KDM6A: variants seen among roughly 807,000 people sequenced by gnomAD.
The protein encoded by KDM6A is lysine-specific demethylase 6A.
In KDM6A, 11 loss-of-function variants were observed where a neutral mutation model predicts 117.6. That is an observed-to-expected ratio of 0.09 (90% CI 0.06 to 0.15). The LOEUF (loss-of-function observed/expected upper bound fraction) is 0.15. KDM6A is among the 10% of genes least tolerant of loss of function. The probability of loss-of-function intolerance (pLI) is 1.00; values close to 1 mark genes in which losing one functional copy is unlikely to be tolerated. For missense variants in KDM6A, 799 were observed against 1,077.3 expected (o/e 0.74, Z 3.62); for synonymous variants, 384 against 396.1 (o/e 0.97, Z 0.36).
At chrX:44,901,745 A>T (rs1021224269) in intron 2 of KDM6A, among the ~76,000 whole-genome samples, 1 of 111,843 alleles carries the variant, frequency 8.9e-6, no homozygotes, top group Admixed American at 9.5e-5. Flanking sequence ...AAAATTAATA[A>T]TTTTTGTGAC....
chrX:44,921,637 T>C (rs1376004680), intron 2 of KDM6A, among the ~76,000 whole-genome samples: 1 of 111,658 alleles, frequency 9.0e-6, no homozygotes, highest in African/African-American at 3.3e-5. Flanking sequence ...CTGTGTATAT[T>C]AGTAGTCTGC....
At chrX:44,984,003 T>C (rs2040051275) in intron 4 of KDM6A, among the ~76,000 whole-genome samples, 1 of 110,783 alleles carries the variant, frequency 9.0e-6, no homozygotes, top group South Asian at 3.8e-4. Flanking sequence ...TCCACAATGG[T>C]TGAACTAGTT....
At chrX:44,887,115 T>C (rs1361017684) in intron 2 of KDM6A, among the ~76,000 whole-genome samples, 4 of 109,185 alleles carry the variant, frequency 3.7e-5, no homozygotes, top group Non-Finnish European at 7.6e-5. Flanking sequence ...AGATGGGGTT[T>C]TATCATGTCG....
At chrX:44,882,346 A>T (rs1460468926) in intron 2 of KDM6A, among the ~76,000 whole-genome samples, 1 of 112,080 alleles carries the variant, frequency 8.9e-6, no homozygotes, top group Non-Finnish European at 1.9e-5. Context: ...ACATCTCAGC[A>T]ATCAGTCACA....
At chrX:45,076,426 T>G (rs1210859180) in intron 18 of KDM6A, among the ~76,000 whole-genome samples, 2 of 111,012 alleles carry the variant, frequency 1.8e-5, no homozygotes, top group Non-Finnish European at 3.8e-5. Context: ...GAAAATAAAT[T>G]GGAAAATTAC....
chrX:44,890,097 A>G (rs1569354992), intron 2 of KDM6A, among the ~76,000 whole-genome samples: 1 of 111,974 alleles, frequency 8.9e-6, no homozygotes, highest in Admixed American at 9.5e-5. Context: ...CCCGCTGGCA[A>G]CCACTAACCC....
At chrX:44,979,987 T>C (rs760425167) in intron 4 of KDM6A, among the ~76,000 whole-genome samples, 75 of 94,508 alleles carry the variant, frequency 7.9e-4, no homozygotes, top group African/African-American at 2.6e-3. Context: ...ATTTTTTTCT[T>C]TCTTTCTTTC....
intron 21 of KDM6A, among the ~76,000 whole-genome samples, chrX:45,080,945 T>G (rs1371470747): frequency 8.9e-6 from 1 of 112,068 alleles, no homozygotes; most frequent in Non-Finnish European, 1.9e-5. Flanking sequence ...TGTTGTTGTT[T>G]TTTTGAGACG....
At chrX:44,886,709 T>C (rs2032919350) in intron 2 of KDM6A, among the ~76,000 whole-genome samples, 1 of 108,977 alleles carries the variant, frequency 9.2e-6, no homozygotes, top group African/African-American at 3.3e-5. Flanking sequence ...CAGGCTGGTC[T>C]TGAACTCCTG....
intron 8 of KDM6A, among the ~76,000 whole-genome samples, chrX:45,039,503 ATT>A (rs756202597): frequency 0.037 from 2,283 of 61,061 alleles, 18 homozygotes; most frequent in Middle Eastern, 0.078. Context: ...TCATTTGATA[ATT>A]TTTTTTTTTT....
At chrX:44,900,507 GAC>G (rs1395302841) in intron 2 of KDM6A, among the ~76,000 whole-genome samples, 1 of 111,724 alleles carries the variant, frequency 9.0e-6, no homozygotes, top group Non-Finnish European at 1.9e-5. Context: ...ACAATTTATA[GAC>G]TTTTTTTCTG....
intron 2 of KDM6A, among the ~76,000 whole-genome samples, chrX:44,911,049 G>T (rs192690894): frequency 0.11 from 12,631 of 109,896 alleles, 876 homozygotes; most frequent in African/African-American, 0.25. Flanking sequence ...GGGCAGAGGG[G>T]CTCCTCACTT....
chrX:45,056,971 CTCT>C (rs1309203954), intron 10 of KDM6A, among the ~76,000 whole-genome samples: 2 of 111,544 alleles, frequency 1.8e-5, no homozygotes, highest in African/African-American at 3.2e-5. Context: ...TGTAGCTGAT[CTCT>C]TCTTATGAAT....
chrX:44,930,813 C>T (rs1041041466), intron 2 of KDM6A, among the ~76,000 whole-genome samples: 1 of 111,962 alleles, frequency 8.9e-6, no homozygotes, highest in Non-Finnish European at 1.9e-5. Flanking sequence ...GGAATTAAAA[C>T]AAATGCCACA....
intron 2 of KDM6A, among the ~76,000 whole-genome samples, chrX:44,879,220 CTGT>C (rs982297223): frequency 1.8e-5 from 2 of 112,014 alleles, no homozygotes; most frequent in Non-Finnish European, 3.8e-5. Context: ...GAAAGGATTT[CTGT>C]TAAGTTTATT....
chrX:45,061,282 C>A (rs2147973829), intron 14 of KDM6A, 42 bp from the exon 15 acceptor site: 1 of 807,776 alleles, frequency 1.2e-6, no homozygotes. Flanking sequence ...GTGGATTTAA[C>A]CAAATATTCT....
At chrX:45,082,358 C>T in intron 21 of KDM6A, 1 of 402,796 alleles carries the variant, frequency 2.5e-6, no homozygotes, top group Non-Finnish European at 4.3e-6. Flanking sequence ...CGTTTGAGCC[C>T]AGGAGGCAGA....
Position 45,063,554 on chromosome X carries a change from T to C in KDM6A, c.1816T>C (p.Ser606Pro), listed in dbSNP as rs2147992967. 1 of 1,211,793 alleles carries C rather than the reference T, an allele frequency of 8.3e-7. No individual in the cohort carries two copies. Among genetic ancestry groups the C allele is most frequent in the Non-Finnish European group, 1.1e-6 (1 of 895,542 alleles). ...QLALTRVPSV[S>P]QPGVRPACPG... ...TGCTCTGACCAGAGTGCCTAGCGTC[T>C]CTCAGCCTGGAGTCCGTCCTGCCTG... Residue 606 changes from serine (S) to proline (P), a missense_variant, in exon 17 of 30, where the codon TCT becomes CCT. Ser to Pro is a moderately conservative substitution (Grantham distance 74, BLOSUM62 -1). Around this residue, in one of 8 missense-constraint regions of KDM6A, gnomAD observed 301 missense variants for 318.3 expected, o/e 0.95. Coordinates refer to ENST00000611820, the MANE Select transcript of KDM6A (RefSeq NM_001291415.2).
At position 44,913,573 on chromosome X, in the gene KDM6A, G is replaced by C. The variant is rs1357471729; in HGVS notation, c.225+39586G>C. Among the ~76,000 whole-genome samples the C allele has an allele frequency of 7.2e-5, 8 of 110,633 alleles. No homozygotes were observed. The Admixed American group carries it at 7.7e-4, about 11-fold the overall frequency. ...CCGTCTTGGCCTCCCAAAGTGCTGG[G>C]ATTACAGACATGAGCCACCATGCCC... On this transcript the variant is annotated intron_variant, in intron 2 of 29. Transcript: ENST00000611820.
Sources: allele counts gnomAD v4.1 joint callset (sites outside exome capture counted in the v4.1 genomes callset), GRCh38; gene constraint gnomAD v4.1.1; regional missense constraint gnomAD v4.1.1; transcripts MANE v1.5; gene names NCBI Gene and HGNC (gene_info 2026-07-23, HGNC 2026-07-21).